Variants in DPYD observed in about 807,000 individuals in gnomAD.
The protein encoded by DPYD is dihydropyrimidine dehydrogenase [NADP(+)].
A neutral mutation model predicts 116.2 loss-of-function variants in DPYD; 109 were observed. The observed-to-expected ratio is 0.94, with a 90% CI of 0.80 to 1.10. The LOEUF (loss-of-function observed/expected upper bound fraction) is 1.10, where lower values mean the gene tolerates loss of function less well. Among genes scored for constraint, DPYD ranks in the 50% least tolerant of loss-of-function variants. The probability of loss-of-function intolerance (pLI) is 0.00; values close to 1 mark genes in which losing one functional copy is unlikely to be tolerated. For synonymous variants in DPYD, 440 were observed against 432.0 expected (o/e 1.02, Z -0.23); for missense variants, 1,302 against 1,254.5 (o/e 1.04, Z -0.57).
chr1:97,610,913 A>G (rs1389677105), intron 8 of DPYD, among the ~76,000 whole-genome samples: 1 of 152,040 alleles, frequency 6.6e-6, no homozygotes, highest in African/African-American at 2.4e-5. Context: ...GAAAGAGGAA[A>G]GACATTACCA....
chr1:97,454,046 G>A (rs7411676), intron 13 of DPYD, among the ~76,000 whole-genome samples: 2 of 152,046 alleles, frequency 1.3e-5, no homozygotes, highest in Non-Finnish European at 2.9e-5. Flanking sequence ...TATCTGAAAG[G>A]AATTTGTTAG....
chr1:97,399,148 T>G (rs1673198793), intron 14 of DPYD, among the ~76,000 whole-genome samples: 1 of 151,408 alleles, frequency 6.6e-6, no homozygotes, highest in Non-Finnish European at 1.5e-5. Flanking sequence ...GGGGTCCAGT[T>G]TCAGCTTTCT....
intron 2 of DPYD, among the ~76,000 whole-genome samples, chr1:97,832,045 TTGTGTGTGTGTG>T (rs35795641): frequency 5.0e-4 from 67 of 134,014 alleles, no homozygotes; most frequent in African/African-American, 1.5e-3. Flanking sequence ...ATATAATGTA[TTGTGTGTGTGTG>T]TGTGTGTGTG....
At chr1:97,831,250 C>T (rs919580611) in intron 2 of DPYD, among the ~76,000 whole-genome samples, 1 of 152,182 alleles carries the variant, frequency 6.6e-6, no homozygotes, top group African/African-American at 2.4e-5. Flanking sequence ...GTATTTCAAG[C>T]AACTAACATC....
intron 20 of DPYD, among the ~76,000 whole-genome samples, chr1:97,165,399 C>T (rs1347912063): frequency 1.3e-5 from 2 of 152,016 alleles, no homozygotes; most frequent in Non-Finnish European, 2.9e-5. Context: ...AAATTGGACC[C>T]CTTCCTTACC....
In DPYD at chr1:97,909,436, T is replaced by C. The variant is rs1673813510; in HGVS notation, c.39+11448A>G. 3.3e-5 allele frequency among the ~76,000 whole-genome samples: 5 copies of C among 152,178 alleles called. No homozygotes were observed. In the South Asian group the frequency reaches 1.0e-3, roughly 32 times the overall value. On this transcript the variant is annotated intron_variant, in intron 1 of 22. Transcript: ENST00000370192. ...GCTCTGTTATCCCTCTCCAGCTACT[T>C]CCCTATTTTCTGTTCCCCTTTACAG...
At position 97,542,723 on chromosome 1, in the gene DPYD, G is replaced by T. The variant is rs886960598; in HGVS notation, c.1524+6837C>A. ...TTACTAGACAATAGGATTCTTACTTGCAAATTTAAATCTAATAATTGGTGC... is the reference window on the plus strand; with the variant it reads ...TTACTAGACAATAGGATTCTTACTTTCAAATTTAAATCTAATAATTGGTGC... On this transcript the variant is annotated intron_variant, in intron 12 of 22. Coordinates refer to ENST00000370192, the MANE Select transcript of DPYD (RefSeq NM_000110.4). Among the ~76,000 whole-genome samples, 8 of 152,138 alleles carry T rather than the reference G, an allele frequency of 5.3e-5. No homozygotes were observed. The East Asian group carries it at 1.5e-3, about 29-fold the overall frequency.
chr1:97,367,254 A>C (rs1671085900), intron 16 of DPYD, among the ~76,000 whole-genome samples: 2 of 152,034 alleles, frequency 1.3e-5, no homozygotes, highest in Admixed American at 1.3e-4. Flanking sequence ...TGGCATGTTG[A>C]AACAGAAACA....
chr1:97,393,401 G>A (rs1398177577), intron 14 of DPYD, among the ~76,000 whole-genome samples: 13 of 151,406 alleles, frequency 8.6e-5, no homozygotes, highest in South Asian at 8.3e-4. Flanking sequence ...CCATTAACTC[G>A]TCATTTACAT....
chr1:97,093,842 T>A (rs371348006), intron 21 of DPYD, among the ~76,000 whole-genome samples: 4 of 152,118 alleles, frequency 2.6e-5, no homozygotes, highest in East Asian at 3.9e-4. Flanking sequence ...AAATTCAGCT[T>A]CATGACACGT....
chr1:97,421,912 TAGTC>T (rs1348937168), intron 14 of DPYD, among the ~76,000 whole-genome samples: 1 of 152,070 alleles, frequency 6.6e-6, no homozygotes, highest in African/African-American at 2.4e-5. Context: ...ACGAGTGAAA[TAGTC>T]AGGCATATAA....
intron 18 of DPYD, among the ~76,000 whole-genome samples, chr1:97,241,201 A>T (rs551139863): frequency 1.3e-5 from 2 of 152,126 alleles, no homozygotes; most frequent in African/African-American, 4.8e-5. Context: ...CTCAGTACCT[A>T]GCATGTGTCA....
chr1:97,531,328 T>G (rs921065794), intron 12 of DPYD, among the ~76,000 whole-genome samples: 1 of 152,230 alleles, frequency 6.6e-6, no homozygotes, highest in Non-Finnish European at 1.5e-5. Flanking sequence ...TTAATTATTT[T>G]GCATGTACAT....
At chr1:97,465,339 T>G (rs1234974105) in intron 13 of DPYD, among the ~76,000 whole-genome samples, 1 of 152,286 alleles carries the variant, frequency 6.6e-6, no homozygotes, top group Non-Finnish European at 1.5e-5. Flanking sequence ...TGAAATGAGT[T>G]AAGATTCTGG....
intron 8 of DPYD, among the ~76,000 whole-genome samples, chr1:97,626,590 T>C (rs932227276): frequency 4.6e-5 from 7 of 152,086 alleles, no homozygotes; most frequent in African/African-American, 1.7e-4. Context: ...GAATGTGATA[T>C]ATACATTTCA....
At chr1:97,897,732 T>C (rs1427970752) in intron 1 of DPYD, among the ~76,000 whole-genome samples, 1 of 151,960 alleles carries the variant, frequency 6.6e-6, no homozygotes, top group African/African-American at 2.4e-5. Flanking sequence ...TGCACACCTC[T>C]ACTTCATTTT....
chr1:97,500,631 C>G (rs1679525261), intron 13 of DPYD, among the ~76,000 whole-genome samples: 1 of 151,972 alleles, frequency 6.6e-6, no homozygotes, highest in South Asian at 2.1e-4. Context: ...GATAGTGTAT[C>G]AGAGGTGATA....
chr1:97,260,251 T>C (rs1663790804), intron 18 of DPYD, among the ~76,000 whole-genome samples: 1 of 152,124 alleles, frequency 6.6e-6, no homozygotes, highest in South Asian at 2.1e-4. Context: ...GTGTGAAGAC[T>C]TCTTGTTATA....
At chr1:97,446,743 A>T (rs1158761181) in intron 14 of DPYD, among the ~76,000 whole-genome samples, 1 of 152,116 alleles carries the variant, frequency 6.6e-6, no homozygotes, top group Non-Finnish European at 1.5e-5. Context: ...TGTTAAAAAA[A>T]ATTTTCCCCG....
Sources: allele counts gnomAD v4.1 joint callset (sites outside exome capture counted in the v4.1 genomes callset), GRCh38; gene constraint gnomAD v4.1.1; transcripts MANE v1.5; gene names NCBI Gene and HGNC (gene_info 2026-07-23, HGNC 2026-07-21).